The following P2RY14 variants were observed in gnomAD, a reference collection of about 807,000 sequenced individuals.
P2RY14 encodes purinergic receptor P2Y14.
In P2RY14, 2 loss-of-function variants were observed where a neutral mutation model predicts 0.9. That is an observed-to-expected ratio of 2.16 (90% CI 0.88 to 6.79). P2RY14 has a LOEUF of 6.79. Ranked by LOEUF, P2RY14 falls within the 30% of genes most tolerant of loss-of-function variation. The pLI is 0.05. For synonymous variants in P2RY14, 158 were observed against 147.2 expected (o/e 1.07, Z -0.53); for missense variants, 378 against 400.1 (o/e 0.94, Z 0.47).
chr3:151,242,732 G>T (rs1734464635), intron 1 of P2RY14, among the ~76,000 whole-genome samples: 1 of 152,234 alleles, frequency 6.6e-6, no homozygotes, highest in South Asian at 2.1e-4. Flanking sequence ...AAGGAACGCA[G>T]TTCCTCACCA....
At chr3:151,222,891 G>T (rs1729660842) in intron 1 of P2RY14, among the ~76,000 whole-genome samples, 1 of 152,024 alleles carries the variant, frequency 6.6e-6, no homozygotes, top group South Asian at 2.1e-4. Context: ...TGAAATCTAG[G>T]ATCTTTGCCC....
chr3:151,248,822 T>C (rs1236724447), intron 1 of P2RY14: 1 of 152,152 alleles, frequency 6.6e-6, no homozygotes, highest in Non-Finnish European at 1.5e-5. Flanking sequence ...ATCACAAATA[T>C]TATTTAACTG....
intron 1 of P2RY14, among the ~76,000 whole-genome samples, chr3:151,262,091 T>C (rs1384148021): frequency 6.6e-6 from 1 of 152,234 alleles, no homozygotes; most frequent in Non-Finnish European, 1.5e-5. Flanking sequence ...TACTATTTTT[T>C]AATAGCTTTG....
At chr3:151,273,458 G>C (rs906174400) in intron 1 of P2RY14, among the ~76,000 whole-genome samples, 1 of 146,378 alleles carries the variant, frequency 6.8e-6, no homozygotes, top group Admixed American at 7.0e-5. Flanking sequence ...GGCCAGGCTG[G>C]TCTGAAACTT....
In P2RY14 at chr3:151,272,613, C is replaced by T. The variant is rs553559164; in HGVS notation, c.-133+5674G>A. On this transcript the variant is annotated intron_variant, in intron 1 of 2. Transcript: ENST00000309170. ...GCATACTCGGGAAAGGTTGTTTGTC[C>T]TCTGCCCCAAGTATAAAATATTGAG... is the stretch of plus-strand genomic sequence containing the variant. Among the ~76,000 whole-genome samples the T allele has an allele frequency of 7.6e-4, 116 of 152,256 alleles. 1 individual carries two copies. Among genetic ancestry groups the T allele is most frequent in the Non-Finnish European group, 2.9e-5 (2 of 68,018 alleles).
In P2RY14 at chr3:151,213,842, G is replaced by A. The variant is rs767695852; in HGVS notation, c.475C>T (p.Leu159Phe). 6.2e-7 allele frequency: 1 copy of A among 1,613,964 alleles called. No homozygotes were observed. ...MLLLAVPNII[L>F]TNQSVREVTQ... ...ACCTCCCTAACACTCTGGTTGGTGA[G>A]AATAATATTTGGAACAGCAAGGAGG... Residue 159 changes from leucine (L) to phenylalanine (F), a missense_variant, in exon 3 of 3, where the codon CTC (leucine) becomes TTC (phenylalanine). Coordinates refer to ENST00000309170, the MANE Select transcript of P2RY14 (RefSeq NM_014879.4).
At chr3:151,249,647 A>G (rs181375141) in intron 1 of P2RY14, among the ~76,000 whole-genome samples, 24 of 152,272 alleles carry the variant, frequency 1.6e-4, no homozygotes, top group East Asian at 9.6e-4. Context: ...TTATCCTGAC[A>G]CATTTCCAGC....
Position 151,213,327 on chromosome 3 carries a change from T to C in P2RY14, c.990A>G (p.Thr330=). Residue 330 remains threonine, a synonymous_variant, in exon 3 of 3, where the codon ACA becomes ACG. Transcript: ENST00000309170. ...LDISRIKRGN[T]TLESTDTL is the part of the protein sequence containing the mutation. ...ACAAAGTATCTGTGCTTTCAAGTGT[T>C]GTATTTCCTCTTTTGATTCTGGAAA... 1 of 1,611,764 alleles carries C rather than the reference T, an allele frequency of 6.2e-7. No homozygotes were observed. Among genetic ancestry groups the C allele is most frequent in the Non-Finnish European group, 8.5e-7 (1 of 1,179,194 alleles).
chr3:151,214,499 C>T (rs1727810468), intron 2 of P2RY14, among the ~76,000 whole-genome samples, 159 bp from the exon 3 acceptor site: 1 of 152,312 alleles, frequency 6.6e-6, no homozygotes, highest in Middle Eastern at 3.4e-3. Context: ...CTCCCTCCCT[C>T]TGTTCTTCCT....
In P2RY14 at chr3:151,264,176, C is replaced by T. The variant is rs183461215; in HGVS notation, c.-133+14111G>A. ...TTTAAAGATCTCTGTACTTGTATTT[C>T]CTTGTTCCCTCCCACATTCCCCTAA... On this transcript the variant is annotated intron_variant, in intron 1 of 2. Coordinates refer to ENST00000309170, the MANE Select transcript of P2RY14 (RefSeq NM_014879.4). Among the ~76,000 whole-genome samples, 28 of 152,286 alleles carry T rather than the reference C, an allele frequency of 1.8e-4. No individual in the cohort carries two copies. The East Asian group carries it at 5.4e-3, about 29-fold the overall frequency.
chr3:151,247,609 T>A (rs1735876086), intron 1 of P2RY14, among the ~76,000 whole-genome samples: 1 of 87,916 alleles, frequency 1.1e-5, no homozygotes, highest in African/African-American at 3.9e-5. Flanking sequence ...CCGGGGACTG[T>A]TGTGGGGTCG....
chr3:151,262,386 A>AT (rs1559954536), intron 1 of P2RY14, among the ~76,000 whole-genome samples: 1 of 152,188 alleles, frequency 6.6e-6, no homozygotes, highest in African/African-American at 2.4e-5. Context: ...GCACACTGAG[A>AT]TATCTCCAGA....
Position 151,213,769 on chromosome 3 carries a change from C to T in P2RY14, c.548G>A (p.Trp183Ter), listed in dbSNP as rs757577979. ...IELKSELGRK[W>*]HKASNYIFVA... The stretch of plus-strand genomic sequence containing the variant: ...GAAGATGTAGTTTGATGCTTTGTGC[C>T]ACTTCCGTCCCAGTTCACTTTTCAG... Residue 183 changes from tryptophan to a stop codon, truncating the protein, a stop_gained, in exon 3 of 3, where the codon TGG (tryptophan) becomes TAG (stop). Transcript: ENST00000309170. LOFTEE classifies it low-confidence loss of function (END_TRUNC). 6 of 1,614,144 alleles carry T rather than the reference C, an allele frequency of 3.7e-6. No individual in the cohort carries two copies. Among genetic ancestry groups the T allele is most frequent in the Non-Finnish European group, 5.1e-6 (6 of 1,179,992 alleles).
intron 1 of P2RY14, among the ~76,000 whole-genome samples, chr3:151,250,287 C>T (rs1736587216): frequency 6.6e-6 from 1 of 152,138 alleles, no homozygotes; most frequent in African/African-American, 2.4e-5. Flanking sequence ...TGGTGAAATA[C>T]ACATAACATT....
In P2RY14 at chr3:151,213,398, A is replaced by G. The variant is rs765862509; in HGVS notation, c.919T>C (p.Cys307Arg). ...FLCQPFREIL[C>R]KKLHIPLKAQ... ...TTTAATGGAATGTGCAATTTCTTAC[A>G]TAAGATTTCCCTAAACGGCTGGCAT... Residue 307 changes from cysteine to arginine, a missense_variant, in exon 3 of 3, where the codon TGT (cysteine) becomes CGT (arginine). By Grantham distance (180) the Cys-to-Arg change is radical (BLOSUM62 -3). Transcript: ENST00000309170. 2 of 1,614,044 alleles carry G rather than the reference A, an allele frequency of 1.2e-6. No individual in the cohort carries two copies. The highest frequency in any genetic ancestry group is 1.1e-5 in the South Asian group (1 of 91,080).
intron 1 of P2RY14, among the ~76,000 whole-genome samples, chr3:151,271,254 C>T (rs1314358553): frequency 2.0e-5 from 3 of 152,018 alleles, no homozygotes; most frequent in African/African-American, 7.2e-5. Context: ...GGTCAAGGAG[C>T]ACATGAAAAG....
At position 151,227,866 on chromosome 3, in the gene P2RY14, G is replaced by GT. The variant is rs1436337262; in HGVS notation, c.-132-8225dup. Among the ~76,000 whole-genome samples, 4 of 152,272 alleles carry GT rather than the reference G, an allele frequency of 2.6e-5. No homozygotes were observed. In the South Asian group the frequency reaches 8.3e-4, roughly 32 times the overall value. On this transcript the variant is annotated intron_variant, in intron 1 of 2. Coordinates refer to ENST00000309170, the MANE Select transcript of P2RY14 (RefSeq NM_014879.4). ...GTTCTTTGTGGGTAGGCTGTCTTGTGTATTGTTGGGTGTTTAGCCGCATCC... is the reference window on the plus strand; with the variant it reads ...GTTCTTTGTGGGTAGGCTGTCTTGTGTTATTGTTGGGTGTTTAGCCGCATCC...
intron 1 of P2RY14, among the ~76,000 whole-genome samples, chr3:151,229,211 A>G (rs1301766713): frequency 1.3e-5 from 2 of 151,550 alleles, no homozygotes; most frequent in African/African-American, 2.4e-5. Flanking sequence ...AAAGTGTTGT[A>G]TGTTTCCTCC....
chr3:151,253,134 G>A (rs1737154752), intron 1 of P2RY14, among the ~76,000 whole-genome samples: 1 of 152,134 alleles, frequency 6.6e-6, no homozygotes, highest in African/African-American at 2.4e-5. Context: ...TGCAGCTAAG[G>A]ACTTCTGGAG....
Sources: gnomAD v4.1 joint callset for allele counts (sites outside exome capture counted in the v4.1 genomes callset) on GRCh38, gnomAD v4.1.1 for gene constraint, MANE v1.5 for transcripts, NCBI Gene and HGNC (gene_info 2026-07-23, HGNC 2026-07-21) for gene names.